Variants in METTL2A observed in about 807,000 individuals in gnomAD.
The protein encoded by METTL2A is tRNA N(3)-cytidine methyltransferase METTL2A.
Under a neutral mutation model 49.4 loss-of-function variants are expected in METTL2A, and 45 were observed. The ratio of observed to expected loss-of-function variants is 0.91; its 90% CI spans 0.72 to 1.17. The LOEUF is 1.17. Among genes scored for constraint, METTL2A ranks in the 50% most tolerant of loss-of-function variants. The probability of loss-of-function intolerance (pLI) is 0.00; values close to 1 mark genes in which losing one functional copy is unlikely to be tolerated. For synonymous variants in METTL2A, 118 were observed against 167.5 expected (o/e 0.70, Z 2.28); for missense variants, 361 against 462.2 (o/e 0.78, Z 2.01).
chr17:62,445,709 A>C (rs529927414), intron 7 of METTL2A, among the ~76,000 whole-genome samples: 27 of 152,194 alleles, frequency 1.8e-4, no homozygotes, highest in African/African-American at 6.0e-4. Context: ...AGGCAGGAGA[A>C]TCGCTTGAAC....
rs1312368149 is a variant in METTL2A, at chr17:62,448,912, A to G, written c.*183A>G. 15 of 737,572 alleles carry G rather than the reference A, an allele frequency of 2.0e-5. No individual in the cohort carries two copies. The highest frequency in any genetic ancestry group is 5.5e-5 in the African/African-American group (3 of 54,766). 45.7% of individuals were successfully genotyped at this position (737,572 alleles called of 1,614,324 possible). On this transcript the variant is annotated 3_prime_UTR_variant, in exon 9 of 9. Transcript: ENST00000311506. ...AATAGTGAGAGACCCTGTATCTGAA[A>G]GTAATAATAAAAATAAAAAATATAA...
At chr17:62,424,149 C>G (rs2070606306) in intron 1 of METTL2A, 70 bp from the exon 2 acceptor site, 37 of 1,607,618 alleles carry the variant, frequency 2.3e-5, no homozygotes, top group Non-Finnish European at 3.1e-5. Flanking sequence ...AGAGAAACTC[C>G]TAGGCCAGCG....
intron 7 of METTL2A, among the ~76,000 whole-genome samples, chr17:62,445,147 G>A (rs2070760772): frequency 6.6e-6 from 1 of 151,198 alleles, no homozygotes; most frequent in African/African-American, 2.4e-5. Context: ...CTGTCTGGGG[G>A]TGAGGGGGCT....
In METTL2A at chr17:62,448,663, A is replaced by G. The variant is rs1454709119; in HGVS notation, c.1071A>G (p.Gln357=). Residue 357 remains glutamine (Q), a synonymous_variant, in exon 9 of 9, where the codon CAA becomes CAG. Transcript: ENST00000311506. ...DRRLQVNRGK[Q]LTMYRVWIQC... ...GACTGCAGGTGAACCGAGGAAAGCA[A>G]CTGACAATGTACCGGGTTTGGATTC... The G allele has an allele frequency of 1.2e-6, 2 of 1,614,104 alleles. No individual in the cohort carries two copies. The highest frequency in any genetic ancestry group is 2.2e-5 in the East Asian group (1 of 44,900).
At chr17:62,438,111 A>G (rs2070713221) in intron 5 of METTL2A, among the ~76,000 whole-genome samples, 1 of 151,900 alleles carries the variant, frequency 6.6e-6, no homozygotes, top group Non-Finnish European at 1.5e-5. Flanking sequence ...CTACTTTAAA[A>G]AACACAAAAA....
chr17:62,435,993 T>C (rs927962617), intron 5 of METTL2A, among the ~76,000 whole-genome samples: 4 of 152,166 alleles, frequency 2.6e-5, no homozygotes, highest in African/African-American at 9.7e-5. Context: ...CCCAGCACTT[T>C]GGGAGGCCGG....
At chr17:62,426,931 C>T (rs143412825) in intron 3 of METTL2A, among the ~76,000 whole-genome samples, 18 of 152,296 alleles carry the variant, frequency 1.2e-4, no homozygotes, top group African/African-American at 3.9e-4. Context: ...CTGTCACATG[C>T]CACTGCATCA....
At chr17:62,432,119 T>G (rs2070670081) in intron 4 of METTL2A, among the ~76,000 whole-genome samples, 1 of 152,126 alleles carries the variant, frequency 6.6e-6, no homozygotes, top group South Asian at 2.1e-4. Flanking sequence ...CTATACCCAT[T>G]AGCAGTCACT....
intron 5 of METTL2A, among the ~76,000 whole-genome samples, chr17:62,436,150 G>A (rs2070698902): frequency 1.3e-5 from 2 of 152,210 alleles, no homozygotes; most frequent in South Asian, 2.1e-4. Flanking sequence ...GGCTGAGGCA[G>A]GAGAATCACT....
At chr17:62,430,509 A>C (rs1184157261) in intron 4 of METTL2A, among the ~76,000 whole-genome samples, 3 of 152,122 alleles carry the variant, frequency 2.0e-5, no homozygotes, top group African/African-American at 7.2e-5. Flanking sequence ...AGTGTGCCCT[A>C]TAAAGTATGT....
chr17:62,442,530 C>T (rs1247748732), intron 6 of METTL2A, among the ~76,000 whole-genome samples: 3 of 152,128 alleles, frequency 2.0e-5, no homozygotes, highest in African/African-American at 2.4e-5. Context: ...CCACCCACCT[C>T]GGCATCCCAA....
chr17:62,445,110 G>T (rs1195839032), intron 7 of METTL2A, among the ~76,000 whole-genome samples, 167 bp downstream of exon 7: 1 of 151,282 alleles, frequency 6.6e-6, no homozygotes, highest in Non-Finnish European at 1.5e-5. Flanking sequence ...ACATGGACAC[G>T]GGGCGGGGGG....
At position 62,451,309 on chromosome 17, in the gene METTL2A, G is replaced by T. The variant is rs1355445936; in HGVS notation, c.*2580G>T. 6.6e-6 allele frequency among the ~76,000 whole-genome samples: 1 copy of T among 151,650 alleles called. No individual in the cohort carries two copies. The highest frequency in any genetic ancestry group is 1.5e-5 in the Non-Finnish European group (1 of 67,898). On this transcript the variant is annotated 3_prime_UTR_variant, in exon 9 of 9. Transcript: ENST00000311506. ...TTACAGGCATGTGCCACCATTCCCG[G>T]CTAATTTTTTGTATTTTTAGTAGAG...
rs879457766 is a variant in METTL2A at position 62,449,485 on chromosome 17, C to T, written c.*756C>T. 5.8e-5 allele frequency: 25 copies of T among 429,000 alleles called. No individual in the cohort carries two copies. Among genetic ancestry groups the T allele is most frequent in the South Asian group, 9.9e-5 (6 of 60,364 alleles). 26.6% of individuals were successfully genotyped at this position (429,000 alleles called of 1,614,324 possible). On this transcript the variant is annotated 3_prime_UTR_variant, in exon 9 of 9. Coordinates refer to ENST00000311506, the MANE Select transcript of METTL2A (RefSeq NM_181725.4). Reference sequence around the variant, plus strand: ...CAGCACTTTGGGAGGCCAAGGCGGGCGGATCAGCTGAGGTCAGGAGTTGGA... The same window carrying T: ...CAGCACTTTGGGAGGCCAAGGCGGGTGGATCAGCTGAGGTCAGGAGTTGGA...
chr17:62,425,779 T>TC (rs2144133499), intron 2 of METTL2A, among the ~76,000 whole-genome samples: 1 of 146,844 alleles, frequency 6.8e-6, no homozygotes, highest in Admixed American at 6.8e-5. Context: ...GGCGGGTGGA[T>TC]CACGAGGTCA....
chr17:62,444,311 A>G (rs1311817290), intron 6 of METTL2A, among the ~76,000 whole-genome samples: 2 of 151,966 alleles, frequency 1.3e-5, no homozygotes, highest in Non-Finnish European at 2.9e-5. Flanking sequence ...AGTCTCAGTT[A>G]CTCTGCGGCC....
chr17:62,440,613 G>T lies in METTL2A; in HGVS notation c.670-4G>T. On this transcript the variant is annotated splice_region_variant and splice_polypyrimidine_tract_variant and intron_variant, in intron 5 of 8. Transcript: ENST00000311506. ...ACTTACCTGTGTCTTCCATCTGTCT[G>T]CAGACAAATTCAGAATATGATCCTT... is the stretch of plus-strand genomic sequence containing the variant. The T allele has an allele frequency of 6.2e-7, 1 of 1,607,486 alleles. No individual in the cohort carries two copies. The highest frequency in any genetic ancestry group is 8.5e-7 in the Non-Finnish European group (1 of 1,178,104).
intron 5 of METTL2A, among the ~76,000 whole-genome samples, chr17:62,437,464 C>A (rs140664355): frequency 6.6e-6 from 1 of 152,114 alleles, no homozygotes; most frequent in Non-Finnish European, 1.5e-5. Flanking sequence ...GCGGCCCCAA[C>A]GTGCTTGCTC....
chr17:62,449,443 G>T lies in METTL2A; in HGVS notation c.*714G>T. 4.4e-6 allele frequency: 2 copies of T among 450,020 alleles called. No individual in the cohort carries two copies. Among genetic ancestry groups the T allele is most frequent in the Admixed American group, 2.4e-5 (1 of 41,852 alleles). The allele number at this position is 450,020 out of a possible 1,614,324, so 27.9% of individuals were successfully genotyped here. ...AATCTTAGTTCCGCCAGGCACGGTG[G>T]CTCACACCTGTAATCCCAGCACTTT... On this transcript the variant is annotated 3_prime_UTR_variant, in exon 9 of 9. Coordinates refer to ENST00000311506, the MANE Select transcript of METTL2A (RefSeq NM_181725.4).
Sources: allele counts gnomAD v4.1 joint callset (sites outside exome capture counted in the v4.1 genomes callset), GRCh38; gene constraint gnomAD v4.1.1; transcripts MANE v1.5; gene names NCBI Gene and HGNC (gene_info 2026-07-23, HGNC 2026-07-21).